AGRN: variants seen among roughly 807,000 people sequenced by gnomAD.
AGRN encodes agrin, also known as agrin proteoglycan.
A neutral mutation model predicts 211.0 loss-of-function variants in AGRN; 106 were observed. That is an observed-to-expected ratio of 0.50 (90% CI 0.43 to 0.59). The LOEUF (loss-of-function observed/expected upper bound fraction) is 0.59, where lower values mean the gene tolerates loss of function less well. Among genes scored for constraint, AGRN ranks in the 20% least tolerant of loss-of-function variants. The probability of loss-of-function intolerance (pLI) is 0.00; values close to 1 mark genes in which losing one functional copy is unlikely to be tolerated. For synonymous variants in AGRN, 1,525 were observed against 1,332.5 expected, an observed-to-expected ratio of 1.14 and a Z score of -3.15; for missense variants, 3,040 against 2,982.6, an observed-to-expected ratio of 1.02 and a Z score of -0.45.
chr1:1,049,396 C>G lies in AGRN; in HGVS notation c.4459C>G (p.Leu1487Val). ...CGAGAGTCCCAGTGGCACCGACGGC[C>G]TCAACCTGGACACAGACCTCTTTGT... is the stretch of plus-strand genomic sequence containing the variant. ...LGESPSGTDG[L>V]NLDTDLFVGG... Residue 1487 changes from leucine (L) to valine (V), a missense_variant, in exon 25 of 36, where the codon CTC (leucine) becomes GTC (valine). By Grantham distance (32) the Leu-to-Val change is conservative. This residue lies in a region of AGRN where 1,537 missense variants were observed against 1,505.0 expected (regional missense o/e 1.02). Coordinates refer to ENST00000379370, the MANE Select transcript of AGRN (RefSeq NM_198576.4). 1 of 1,599,060 alleles carries G rather than the reference C, an allele frequency of 6.3e-7. No individual in the cohort carries two copies. The highest frequency in any genetic ancestry group is 8.5e-7 in the Non-Finnish European group (1 of 1,179,746).
In AGRN at chr1:1,048,662, G is replaced by C; in HGVS notation, c.4106-205G>C. On this transcript the variant is annotated intron_variant, in intron 23 of 35. Coordinates refer to ENST00000379370, the MANE Select transcript of AGRN (RefSeq NM_198576.4). The surrounding 1 kb of genome is among the most constrained non-coding windows in gnomAD (Gnocchi z 5.9). ...GTGGGCGCCTGTAATCCCACCTCGT[G>C]AGGCTGAGGCAGGAGAATCGCTTGA... The C allele has an allele frequency of 1.5e-6, 1 of 656,400 alleles. No individual in the cohort carries two copies. Among genetic ancestry groups the C allele is most frequent in the Non-Finnish European group, 2.5e-6 (1 of 398,010 alleles). The allele number at this position is 656,400 out of a possible 1,614,324, so 40.7% of individuals were successfully genotyped here.
rs1205105049 is a variant in AGRN, at chr1:1,045,192, C to T, written c.2286C>T (p.Ala762=). The change falls in exon 13 of 36, where the codon GCC becomes GCT. Residue 762 remains alanine, a synonymous_variant. Transcript: ENST00000379370. ...GPTFAPLPPV[A]PLHCAQTPYG... ...CCTTCGCCCCGCTGCCGCCTGTGGC[C>T]CCCTTACACTGTGCCCAGACGCCCT... 1.9e-6 allele frequency: 3 copies of T among 1,612,708 alleles called. No homozygotes were observed. Among genetic ancestry groups the T allele is most frequent in the South Asian group, 1.1e-5 (1 of 91,078 alleles).
In AGRN at chr1:1,044,006, C is replaced by T. The variant is rs767255310; in HGVS notation, c.1982C>T (p.Ala661Val). The change falls in exon 10 of 36, where the codon GCA (alanine) becomes GTA (valine). Residue 661 changes from alanine (A) to valine (V), a missense_variant. Transcript: ENST00000379370. ...CAGACACAGATCGAGGAGGCCCGGG[C>T]AGGGCCGTGCGAGCAGGGTAGGCCG... Reference protein sequence around the residue: ...LQQTQIEEARAGPCEQAECGS... With the variant: ...LQQTQIEEARVGPCEQAECGS... 1.1e-5 allele frequency: 18 copies of T among 1,607,966 alleles called. No homozygotes were observed. The African/African-American group carries it at 1.2e-4, about 11-fold the overall frequency.
rs1416156515 is a variant in AGRN, at chr1:1,024,137, G to A, written c.463+1675G>A. Among the ~76,000 whole-genome samples the A allele has an allele frequency of 2.0e-5, 3 of 152,126 alleles. No individual in the cohort carries two copies. In the East Asian group the frequency reaches 5.8e-4, roughly 29 times the overall value. On this transcript the variant is annotated intron_variant, in intron 2 of 35. Transcript: ENST00000379370. ...AGCCCAGGAGCTTCCGGTGGGACAT[G>A]TGGAGCTCTGCTGTGGAAGTAGACC...
intron 11 of AGRN, 37 bp downstream of exon 11, chr1:1,044,294 G>C (rs958060048): frequency 6.2e-7 from 1 of 1,612,198 alleles, no homozygotes; most frequent in Non-Finnish European, 8.5e-7. Flanking sequence ...CGGGCGGCGG[G>C]GACGGGGCTG....
At position 1,044,202 on chromosome 1, in the gene AGRN, C is replaced by G; in HGVS notation, c.2093C>G (p.Ser698Trp). ...RQRGGIWDED[S>W]EDGPCVCDFS... The stretch of plus-strand genomic sequence containing the variant: ...CGCGGTGGCATCTGGGACGAGGACT[C>G]GGAGGACGGGCCGTGTGTCTGTGAC... Residue 698 changes from serine (S) to tryptophan (W), a missense_variant, in exon 11 of 36, where the codon TCG (serine) becomes TGG (tryptophan). Physicochemically the swap from Ser to Trp is radical, Grantham distance 177. Transcript: ENST00000379370. 3 of 1,613,058 alleles carry G rather than the reference C, an allele frequency of 1.9e-6. No homozygotes were observed. The highest frequency in any genetic ancestry group is 2.5e-6 in the Non-Finnish European group (3 of 1,179,900).
At position 1,051,720 on chromosome 1, in the gene AGRN, T is replaced by C. The variant is rs558377512; in HGVS notation, c.5564-8T>C. 9 of 1,613,672 alleles carry C rather than the reference T, an allele frequency of 5.6e-6. No homozygotes were observed. In the East Asian group the frequency reaches 1.8e-4, roughly 32 times the overall value. Reference sequence around the variant, plus strand: ...ACGAGGCCCCACCCTCACCTGCCTATCTCACAGGGCTGGTGGAGAAGTCAG... The same window carrying C: ...ACGAGGCCCCACCCTCACCTGCCTACCTCACAGGGCTGGTGGAGAAGTCAG... On this transcript the variant is annotated splice_polypyrimidine_tract_variant and splice_region_variant and intron_variant, in intron 32 of 35. Coordinates refer to ENST00000379370, the MANE Select transcript of AGRN (RefSeq NM_198576.4).
chr1:1,047,891 C>G lies in AGRN; in HGVS notation c.3747C>G (p.Asp1249Glu), dbSNP rs763876666. 30 of 1,603,898 alleles carry G rather than the reference C, an allele frequency of 1.9e-5. No homozygotes were observed. Among genetic ancestry groups the G allele is most frequent in the Non-Finnish European group, 2.6e-6 (3 of 1,176,434 alleles). ...RPLQEHVRFM[D>E]FDWFPAFITG... ...TGCAGGAGCACGTGCGATTTATGGACTTTGGTGAGCGCCAGGCCACGAGCC... is the reference window on the plus strand; with the variant it reads ...TGCAGGAGCACGTGCGATTTATGGAGTTTGGTGAGCGCCAGGCCACGAGCC... The change falls in exon 22 of 36, where the codon GAC becomes GAG. Residue 1249 changes from aspartate to glutamate, a missense_variant. Transcript: ENST00000379370.
In AGRN at chr1:1,032,744, G is replaced by C. The variant is rs987145614; in HGVS notation, c.464-2533G>C. ...CCTGGAGCTGGGGCTTGGGGAATGG[G>C]GTCGGTCATTGCAGGGACAGAGGAG... is the stretch of plus-strand genomic sequence containing the variant. On this transcript the variant is annotated intron_variant, in intron 2 of 35. Coordinates refer to ENST00000379370, the MANE Select transcript of AGRN (RefSeq NM_198576.4). This position sits in a 1 kb window ranked among gnomAD's most constrained non-coding sequence, Gnocchi z 4.7. Among the ~76,000 whole-genome samples the C allele has an allele frequency of 1.3e-5, 2 of 152,320 alleles. No homozygotes were observed. Among genetic ancestry groups the C allele is most frequent in the South Asian group, 4.1e-4 (2 of 4,826 alleles).
At position 1,049,604 on chromosome 1, in the gene AGRN, G is replaced by A. The variant is rs1319542279; in HGVS notation, c.4553G>A (p.Gly1518Glu). The A allele has an allele frequency of 6.3e-7, 1 of 1,591,996 alleles. No individual in the cohort carries two copies. Among genetic ancestry groups the A allele is most frequent in the Non-Finnish European group, 8.5e-7 (1 of 1,170,376 alleles). ...ERTFVGAGLR[G>E]CIRLLDVNNQ... The stretch of plus-strand genomic sequence containing the variant: ...ACCTTCGTGGGCGCCGGCCTGAGGG[G>A]GTGCATCCGTTTGCTGGACGTCAAC... Residue 1518 changes from glycine (G) to glutamate (E), a missense_variant, in exon 26 of 36, where the codon GGG becomes GAG. By Grantham distance (98) the Gly-to-Glu change is moderately conservative. This residue lies in a region of AGRN where 1,537 missense variants were observed against 1,505.0 expected (regional missense o/e 1.02). Coordinates refer to ENST00000379370, the MANE Select transcript of AGRN (RefSeq NM_198576.4).
chr1:1,051,140 C>T lies in AGRN; in HGVS notation c.5254-113C>T, dbSNP rs564966208. 85 of 1,411,428 alleles carry T rather than the reference C, an allele frequency of 6.0e-5. 2 individuals carry two copies. The South Asian group carries it at 9.9e-4, about 16-fold the overall frequency. The allele number at this position is 1,411,428 out of a possible 1,614,324, so 87.4% of individuals were successfully genotyped here. A position where few individuals can be genotyped will look rare whatever the true frequency, so the allele number is the denominator to read the frequency against. On this transcript the variant is annotated intron_variant, in intron 30 of 35. Coordinates refer to ENST00000379370, the MANE Select transcript of AGRN (RefSeq NM_198576.4). Reference sequence around the variant, plus strand: ...GACCCTGCCATTTCTGTGTGATTAACGCTGCCCCCTAGATAGGCAATGGGC... The same window carrying T: ...GACCCTGCCATTTCTGTGTGATTAATGCTGCCCCCTAGATAGGCAATGGGC...
In AGRN at chr1:1,044,512, T is replaced by C. The variant is rs1322370831; in HGVS notation, c.2254+73T>C. 6.2e-6 allele frequency: 9 copies of C among 1,443,766 alleles called. No individual in the cohort carries two copies. The Admixed American group carries it at 9.8e-5, about 16-fold the overall frequency. The allele number at this position is 1,443,766 out of a possible 1,614,324, so 89.4% of individuals were successfully genotyped here. On this transcript the variant is annotated intron_variant, in intron 12 of 35. Coordinates refer to ENST00000379370, the MANE Select transcript of AGRN (RefSeq NM_198576.4). Reference sequence around the variant, plus strand: ...GGGTTTCCGTGTCTGGATGTGGGCGTGCCCGTGTGCTGCGTTGGGCCCCTG... The same window carrying C: ...GGGTTTCCGTGTCTGGATGTGGGCGCGCCCGTGTGCTGCGTTGGGCCCCTG...
intron 3 of AGRN, 132 bp downstream of exon 3, chr1:1,035,456 G>T: frequency 5.5e-6 from 7 of 1,262,594 alleles, no homozygotes; most frequent in Non-Finnish European, 8.1e-6. Context: ...GGGCACCTGC[G>T]TCTGTCCTGG....
intron 2 of AGRN, among the ~76,000 whole-genome samples, chr1:1,027,664 C>T (rs1221288967): frequency 2.0e-5 from 3 of 152,176 alleles, no homozygotes; most frequent in African/African-American, 7.2e-5. Context: ...AGGAGAGGGT[C>T]CTGGGTCACA....
At chr1:1,021,007 A>G (rs527257374) in intron 1 of AGRN, among the ~76,000 whole-genome samples, 1 of 151,930 alleles carries the variant, frequency 6.6e-6, no homozygotes, top group South Asian at 2.1e-4. Flanking sequence ...TGCTTCTGGG[A>G]GCCCCCGGGG....
Position 1,048,503 on chromosome 1 carries a change from G to T in AGRN, c.4105+138G>T, listed in dbSNP as rs1645167914. 2 of 768,504 alleles carry T rather than the reference G, an allele frequency of 2.6e-6. No homozygotes were observed. The highest frequency in any genetic ancestry group is 4.0e-6 in the Non-Finnish European group (2 of 498,936). 47.6% of individuals were successfully genotyped at this position (768,504 alleles called of 1,614,324 possible). A position where few individuals can be genotyped will look rare whatever the true frequency, so the allele number is the denominator to read the frequency against. On this transcript the variant is annotated intron_variant, in intron 23 of 35. Transcript: ENST00000379370. This position sits in a 1 kb window ranked among gnomAD's most constrained non-coding sequence, Gnocchi z 5.9. Reference sequence around the variant, plus strand: ...GGCGGGGTTTCGGCCAGATGCGGTGGCTCACGCCTGTAATCCCAGCACTTT... The same window carrying T: ...GGCGGGGTTTCGGCCAGATGCGGTGTCTCACGCCTGTAATCCCAGCACTTT...
intron 3 of AGRN, among the ~76,000 whole-genome samples, chr1:1,035,718 G>A (rs1298572515): frequency 6.6e-6 from 1 of 152,154 alleles, no homozygotes; most frequent in Non-Finnish European, 1.5e-5. Context: ...GAGGCTGGAA[G>A]TGGACAGGAG....
In AGRN at chr1:1,046,202, C is replaced by T. The variant is rs368017102; in HGVS notation, c.2848C>T (p.Leu950=). The T allele has an allele frequency of 2.5e-6, 4 of 1,613,774 alleles. No individual in the cohort carries two copies. Among genetic ancestry groups the T allele is most frequent in the Admixed American group, 1.7e-5 (1 of 60,036 alleles). The change falls in exon 17 of 36, where the codon CTG becomes TTG. Residue 950 remains leucine, a synonymous_variant. Coordinates refer to ENST00000379370, the MANE Select transcript of AGRN (RefSeq NM_198576.4). Reference sequence around the variant, plus strand: ...AGTCACATACGGCAACGAGTGTCAGCTGAAGACCATCGCCTGCCGCCAGGG... The same window carrying T: ...AGTCACATACGGCAACGAGTGTCAGTTGAAGACCATCGCCTGCCGCCAGGG... The part of the protein sequence containing the change: ...DGVTYGNECQ[L]KTIACRQGLQ...
chr1:1,051,346 G>A lies in AGRN; in HGVS notation c.5347G>A (p.Gly1783Ser). Residue 1783 changes from glycine to serine, a missense_variant, in exon 31 of 36, where the codon GGC becomes AGC. Gly to Ser is a moderately conservative substitution (Grantham distance 56). This residue lies in a region of AGRN where 1,537 missense variants were observed against 1,505.0 expected (regional missense o/e 1.02). Coordinates refer to ENST00000379370, the MANE Select transcript of AGRN (RefSeq NM_198576.4). ...GGCCCGTGCTGCTGCCGTGTCCTCT[G>A]GCTTCGACGGTGCCATCCAGCTGGT... is the stretch of plus-strand genomic sequence containing the variant. ...KLARAAAVSS[G>S]FDGAIQLVSL... 2 of 1,567,536 alleles carry A rather than the reference G, an allele frequency of 1.3e-6. No individual in the cohort carries two copies. Among genetic ancestry groups the A allele is most frequent in the South Asian group, 2.3e-5 (2 of 85,404 alleles).
Sources: gnomAD v4.1 joint callset for allele counts (sites outside exome capture counted in the v4.1 genomes callset) on GRCh38, gnomAD v4.1.1 for gene constraint, gnomAD v4.1.1 regional missense constraint, Gnocchi (gnomAD v3.1) non-coding constraint, MANE v1.5 for transcripts, NCBI Gene and HGNC (gene_info 2026-07-23, HGNC 2026-07-21) for gene names.